Variants in TIMP2 observed in about 807,000 individuals in gnomAD.
TIMP2 encodes TIMP metallopeptidase inhibitor 2.
Under a neutral mutation model 24.3 loss-of-function variants are expected in TIMP2, and 5 were observed. The observed-to-expected ratio is 0.21, with a 90% CI of 0.11 to 0.43. The LOEUF is 0.43. Ranked by LOEUF, TIMP2 falls within the 20% of genes least tolerant of loss-of-function variation. TIMP2 has a pLI of 1.00. For synonymous variants in TIMP2, 130 were observed against 123.2 expected (o/e 1.06, Z -0.37); for missense variants, 221 against 297.5 (o/e 0.74, Z 1.89).
At chr17:78,906,540 T>C (rs941039549) in intron 1 of TIMP2, among the ~76,000 whole-genome samples, 2 of 152,084 alleles carry the variant, frequency 1.3e-5, no homozygotes, top group African/African-American at 4.8e-5. Context: ...TGCTGAAGAT[T>C]GGGGTTGGCT....
rs1254521484 is a variant in TIMP2 at position 78,853,588 on chromosome 17, A to C, written c.*2079T>G. ...GAGAACCAAAGACGGGAGACGAATG[A>C]AAGCAAAGATGCTCAAAGAACCAAA... On this transcript the variant is annotated 3_prime_UTR_variant, in exon 5 of 5. Coordinates refer to ENST00000262768, the MANE Select transcript of TIMP2 (RefSeq NM_003255.5). 2 of 152,628 alleles carry C rather than the reference A, an allele frequency of 1.3e-5. No individual in the cohort carries two copies. The highest frequency in any genetic ancestry group is 4.8e-5 in the African/African-American group (2 of 41,462). 9.5% of individuals were successfully genotyped at this position (152,628 alleles called of 1,614,324 possible).
At chr17:78,870,631 C>T (rs1409452162) in intron 3 of TIMP2, among the ~76,000 whole-genome samples, 1 of 152,168 alleles carries the variant, frequency 6.6e-6, no homozygotes, top group Non-Finnish European at 1.5e-5. Context: ...CAGCATCCCG[C>T]ACTCGCCTCC....
intron 3 of TIMP2, among the ~76,000 whole-genome samples, chr17:78,862,560 T>C (rs1454816579): frequency 2.0e-5 from 3 of 152,222 alleles, no homozygotes; most frequent in East Asian, 1.9e-4. Flanking sequence ...CTCACAATCT[T>C]TGTTGATTTT....
At chr17:78,906,435 T>C (rs530128064) in intron 1 of TIMP2, among the ~76,000 whole-genome samples, 4 of 152,168 alleles carry the variant, frequency 2.6e-5, no homozygotes, top group Admixed American at 2.6e-4. Context: ...TGCTTGAAAA[T>C]GCTAACAATC....
chr17:78,887,734 GGGAAAAAAAAAAAAATA>G (rs1198584023), intron 1 of TIMP2, among the ~76,000 whole-genome samples: 2 of 133,148 alleles, frequency 1.5e-5, no homozygotes, highest in Admixed American at 7.0e-5. Context: ...TCTTTTTCTG[GGGAAAAAAAAAAAAATA>G]GGAAAAAAAA....
intron 3 of TIMP2, among the ~76,000 whole-genome samples, chr17:78,861,173 T>C (rs1489989402): frequency 6.6e-6 from 1 of 152,166 alleles, no homozygotes; most frequent in Non-Finnish European, 1.5e-5. Flanking sequence ...TGGTTGATTC[T>C]GGCATTTGGC....
intron 1 of TIMP2, among the ~76,000 whole-genome samples, chr17:78,922,925 G>A (rs1031604391): frequency 2.0e-5 from 3 of 152,160 alleles, no homozygotes; most frequent in Non-Finnish European, 4.4e-5. Context: ...AGAGAGGCCT[G>A]GAAGAGATTC....
At chr17:78,878,477 G>A (rs2069748916) in intron 1 of TIMP2, among the ~76,000 whole-genome samples, 1 of 152,230 alleles carries the variant, frequency 6.6e-6, no homozygotes, top group Admixed American at 6.5e-5. Flanking sequence ...CCGTGGGTGA[G>A]GGATTGGGAC....
intron 3 of TIMP2, among the ~76,000 whole-genome samples, chr17:78,865,973 GACTT>G (rs969859276): frequency 1.3e-5 from 2 of 151,832 alleles, no homozygotes; most frequent in African/African-American, 2.4e-5. Context: ...GGACGGCTGG[GACTT>G]ACTTTAAAGG....
At position 78,924,900 on chromosome 17, in the gene TIMP2, C is replaced by A; in HGVS notation, c.130+59G>T. On this transcript the variant is annotated intron_variant, in intron 1 of 4. Coordinates refer to ENST00000262768, the MANE Select transcript of TIMP2 (RefSeq NM_003255.5). This position sits in a 1 kb window ranked among gnomAD's most constrained non-coding sequence, Gnocchi z 5.3. ...GGCGGGCGGGCGGGGCGTCTGCGAACCCTCGGGGTCGCGGGGGAGGTGGGG... is the reference window on the plus strand; with the variant it reads ...GGCGGGCGGGCGGGGCGTCTGCGAAACCTCGGGGTCGCGGGGGAGGTGGGG... 9.1e-7 allele frequency: 1 copy of A among 1,101,744 alleles called. No homozygotes were observed. Among genetic ancestry groups the A allele is most frequent in the South Asian group, 4.0e-5 (1 of 25,102 alleles). 68.2% of individuals were successfully genotyped at this position (1,101,744 alleles called of 1,614,324 possible).
rs1324791150 is a variant in TIMP2 at position 78,893,371 on chromosome 17, AG to A, written c.131-19453del. ...CAGGGGTGTGTGTGCAGGGGTGTGT[AG>A]GAGTGTGTGTGCAGGGGTGTGTATG... On this transcript the variant is annotated intron_variant, in intron 1 of 4. Coordinates refer to ENST00000262768, the MANE Select transcript of TIMP2 (RefSeq NM_003255.5). Among the ~76,000 whole-genome samples, 163 of 41,850 alleles carry A rather than the reference AG, an allele frequency of 3.9e-3. 2 individuals carry two copies. Among genetic ancestry groups the A allele is most frequent in the Middle Eastern group, 0.021 (1 of 48 alleles). The allele number at this position is 41,850 out of a possible 152,430, so 27.5% of individuals were successfully genotyped here.
At chr17:78,870,746 G>A (rs537735439) in intron 3 of TIMP2, 152 bp downstream of exon 3, 172 of 524,670 alleles carry the variant, frequency 3.3e-4, no homozygotes, top group African/African-American at 3.0e-3. Flanking sequence ...TCTCTGACGG[G>A]AAGTGGCCGA....
intron 1 of TIMP2, among the ~76,000 whole-genome samples, chr17:78,879,892 C>T (rs1382636811): frequency 1.3e-5 from 2 of 151,884 alleles, no homozygotes; most frequent in Non-Finnish European, 2.9e-5. Context: ...AAAACAATCC[C>T]GAGCGCACCC....
chr17:78,882,666 C>T (rs1434214592), intron 1 of TIMP2, among the ~76,000 whole-genome samples: 6 of 152,228 alleles, frequency 3.9e-5, no homozygotes, highest in Non-Finnish European at 5.9e-5. Flanking sequence ...ACAAACGCCA[C>T]CAGGGATGGC....
chr17:78,918,002 G>A (rs1309431496), intron 1 of TIMP2, among the ~76,000 whole-genome samples: 4 of 151,752 alleles, frequency 2.6e-5, no homozygotes, highest in Admixed American at 6.6e-5. Context: ...AGGGCCACAG[G>A]CACCTTTGAG....
chr17:78,859,916 C>T (rs1447215030), intron 3 of TIMP2, among the ~76,000 whole-genome samples: 1 of 152,130 alleles, frequency 6.6e-6, no homozygotes, highest in Non-Finnish European at 1.5e-5. Flanking sequence ...CGCTTGAACC[C>T]AGTGGGCAGA....
At chr17:78,865,593 C>T (rs1056483282) in intron 3 of TIMP2, among the ~76,000 whole-genome samples, 1 of 142,746 alleles carries the variant, frequency 7.0e-6, no homozygotes, top group Non-Finnish European at 1.5e-5. Context: ...CATTGCACTC[C>T]AGCCTGGGCA....
chr17:78,925,108 C>T lies in TIMP2; in HGVS notation c.-20G>A. The T allele has an allele frequency of 2.3e-4, 5 of 21,790 alleles. No homozygotes were observed. The highest frequency in any genetic ancestry group is 4.5e-4 in the Non-Finnish European group (5 of 11,198). 1.3% of individuals were successfully genotyped at this position (21,790 alleles called of 1,614,324 possible). A position where few individuals can be genotyped will look rare whatever the true frequency, so the allele number is the denominator to read the frequency against. On this transcript the variant is annotated 5_prime_UTR_variant, in exon 1 of 5. Coordinates refer to ENST00000262768, the MANE Select transcript of TIMP2 (RefSeq NM_003255.5). ...GCCCATGGCGGGCCGGGGGGCTGGG[C>T]GGGCGGGGGCCGCCGCTGGGGGGTC...
intron 1 of TIMP2, among the ~76,000 whole-genome samples, chr17:78,908,543 G>A (rs978238452): frequency 6.6e-6 from 1 of 152,008 alleles, no homozygotes; most frequent in South Asian, 2.1e-4. Context: ...CCAGAGACTC[G>A]AGCCAGGATC....
Sources: allele counts gnomAD v4.1 joint callset (sites outside exome capture counted in the v4.1 genomes callset), GRCh38; gene constraint gnomAD v4.1.1; non-coding constraint Gnocchi (gnomAD v3.1); transcripts MANE v1.5; gene names NCBI Gene and HGNC (gene_info 2026-07-23, HGNC 2026-07-21).